The following MAML1 variants were observed in gnomAD, a reference collection of about 807,000 sequenced individuals.
MAML1 encodes mastermind-like protein 1.
A neutral mutation model predicts 77.1 loss-of-function variants in MAML1; 14 were observed. That is an observed-to-expected ratio of 0.18 (90% CI 0.12 to 0.28). The LOEUF is 0.28. Among genes scored for constraint, MAML1 ranks in the 10% least tolerant of loss-of-function variants. The pLI, the probability that MAML1 is intolerant of heterozygous loss-of-function variation, is 1.00. For synonymous variants in MAML1, 516 were observed against 551.9 expected (o/e 0.93, Z 0.91); for missense variants, 1,217 against 1,327.8 (o/e 0.92, Z 1.30).
At chr5:179,745,213 A>C (rs1012522772) in intron 1 of MAML1, among the ~76,000 whole-genome samples, 12 of 151,996 alleles carry the variant, frequency 7.9e-5, no homozygotes, top group Non-Finnish European at 1.3e-4. Context: ...CCGCATTATA[A>C]ATTTTTATAA....
chr5:179,749,408 G>A (rs1178508768), intron 1 of MAML1, among the ~76,000 whole-genome samples: 1 of 152,044 alleles, frequency 6.6e-6, no homozygotes, highest in Non-Finnish European at 1.5e-5. Context: ...TTACAGACGT[G>A]AGCCACCGCA....
At position 179,776,638 on chromosome 5, in the gene MAML1, C is replaced by T; in HGVS notation, c.*1761C>T. Reference sequence around the variant, plus strand: ...GAGGGTGACCTCAGCGGCTTTTCTCCCAAAAATCGGCTGAAGGCTGGTTGT... The same window carrying T: ...GAGGGTGACCTCAGCGGCTTTTCTCTCAAAAATCGGCTGAAGGCTGGTTGT... On this transcript the variant is annotated 3_prime_UTR_variant, in exon 5 of 5. Transcript: ENST00000292599. 2 of 985,682 alleles carry T rather than the reference C, an allele frequency of 2.0e-6. No individual in the cohort carries two copies. Among genetic ancestry groups the T allele is most frequent in the Non-Finnish European group, 2.4e-6 (2 of 829,948 alleles). The allele number at this position is 985,682 out of a possible 1,614,324, so 61.1% of individuals were successfully genotyped here.
intron 1 of MAML1, among the ~76,000 whole-genome samples, chr5:179,747,805 T>G (rs1364490653): frequency 2.1e-3 from 1 of 476 alleles, no homozygotes; most frequent in Non-Finnish European, 0.012. Context: ...CGAGACTCCA[T>G]CTCAAAAAAA....
At chr5:179,748,659 C>T (rs923752387) in intron 1 of MAML1, among the ~76,000 whole-genome samples, 1 of 152,176 alleles carries the variant, frequency 6.6e-6, no homozygotes, top group African/African-American at 2.4e-5. Context: ...CATGAGCCAA[C>T]AGATTAAAAC....
In MAML1 at chr5:179,775,571, G is replaced by C; in HGVS notation, c.*694G>C. ...ATAGCAGGTCTGGTGACACAGCTAG[G>C]GTCTTCCTAGCAGCTCCTCCTCCTC... On this transcript the variant is annotated 3_prime_UTR_variant, in exon 5 of 5. Coordinates refer to ENST00000292599, the MANE Select transcript of MAML1 (RefSeq NM_014757.5). 10 of 985,350 alleles carry C rather than the reference G, an allele frequency of 1.0e-5. No homozygotes were observed. The highest frequency in any genetic ancestry group is 1.1e-5 in the Non-Finnish European group (9 of 829,872). 61.0% of individuals were successfully genotyped at this position (985,350 alleles called of 1,614,324 possible).
At position 179,733,143 on chromosome 5, in the gene MAML1, T is replaced by G; in HGVS notation, c.31T>G (p.Phe11Val). The G allele has an allele frequency of 6.9e-7, 1 of 1,446,032 alleles. No homozygotes were observed. The highest frequency in any genetic ancestry group is 9.1e-7 in the Non-Finnish European group (1 of 1,102,232). 89.6% of individuals were successfully genotyped at this position (1,446,032 alleles called of 1,614,324 possible). The change falls in exon 1 of 5, where the codon TTC becomes GTC. Residue 11 changes from phenylalanine (F) to valine (V), a missense_variant. By Grantham distance (50) the Phe-to-Val change is conservative. Around this residue, in one of 3 missense-constraint regions of MAML1, gnomAD observed 312 missense variants for 331.4 expected, o/e 0.94. Coordinates refer to ENST00000292599, the MANE Select transcript of MAML1 (RefSeq NM_014757.5). MVLPTCPMAE[F>V]ALPRHSAVME... is the part of the protein sequence containing the mutation. ...GCTGCCCACCTGCCCCATGGCGGAGTTCGCGCTGCCGCGGCACAGCGCGGT... is the reference window on the plus strand; with the variant it reads ...GCTGCCCACCTGCCCCATGGCGGAGGTCGCGCTGCCGCGGCACAGCGCGGT...
At chr5:179,752,350 A>AAAAAAAAAAAAAAATAT (rs1554150144) in intron 1 of MAML1, among the ~76,000 whole-genome samples, 1 of 66,716 alleles carries the variant, frequency 1.5e-5, no homozygotes, top group African/African-American at 6.7e-5. Flanking sequence ...AAAAAAAAAA[A>AAAAAAAAAAAAAAATAT]ATATATATAT....
intron 3 of MAML1, among the ~76,000 whole-genome samples, chr5:179,770,151 A>G (rs756943373): frequency 6.6e-6 from 1 of 152,102 alleles, no homozygotes; most frequent in Admixed American, 6.6e-5. Context: ...TTCTGTCTCT[A>G]TAATTGTCTG....
At chr5:179,760,136 A>G (rs1352386528) in intron 1 of MAML1, among the ~76,000 whole-genome samples, 1 of 148,658 alleles carries the variant, frequency 6.7e-6, no homozygotes, top group Non-Finnish European at 1.5e-5. Flanking sequence ...CTTCGGATAG[A>G]CAGAAGTAAG....
intron 2 of MAML1, among the ~76,000 whole-genome samples, chr5:179,767,699 CAG>C (rs2113377682): frequency 6.6e-6 from 1 of 152,342 alleles, no homozygotes; most frequent in South Asian, 2.1e-4. Context: ...CAGCTGCACA[CAG>C]TGAGGGTGCT....
At chr5:179,738,763 C>T (rs1426516021) in intron 1 of MAML1, among the ~76,000 whole-genome samples, 1 of 151,668 alleles carries the variant, frequency 6.6e-6, no homozygotes, top group Non-Finnish European at 1.5e-5. Flanking sequence ...CAAGGATGGA[C>T]TTGCCAAATT....
chr5:179,776,579 AC>A lies in MAML1; in HGVS notation c.*1705del. On this transcript the variant is annotated 3_prime_UTR_variant, in exon 5 of 5. Transcript: ENST00000292599. Reference sequence around the variant, plus strand: ...GAATCATAAAGCCAGTGAAAATTTCACCCTCTGAGGGAGTTCCCCAATCTGA... The same window carrying A: ...GAATCATAAAGCCAGTGAAAATTTCACCTCTGAGGGAGTTCCCCAATCTGA... 1.0e-5 allele frequency: 10 copies of A among 985,456 alleles called. No individual in the cohort carries two copies. The highest frequency in any genetic ancestry group is 1.2e-5 in the Non-Finnish European group (10 of 829,900). The allele number at this position is 985,456 out of a possible 1,614,324, so 61.0% of individuals were successfully genotyped here. A position where few individuals can be genotyped will look rare whatever the true frequency, so the allele number is the denominator to read the frequency against.
At chr5:179,746,184 A>G (rs1290761917) in intron 1 of MAML1, among the ~76,000 whole-genome samples, 2 of 150,644 alleles carry the variant, frequency 1.3e-5, no homozygotes, top group Non-Finnish European at 1.5e-5. Flanking sequence ...CGTCTCTACT[A>G]AAAATGCAAA....
chr5:179,746,123 A>G (rs1193648380), intron 1 of MAML1, among the ~76,000 whole-genome samples: 3 of 151,464 alleles, frequency 2.0e-5, no homozygotes, highest in African/African-American at 4.8e-5. Flanking sequence ...GCAGGTGCGG[A>G]TCACCTGAGG....
intron 3 of MAML1, 199 bp from the exon 4 acceptor site, chr5:179,770,948 A>G (rs1422261910): frequency 3.3e-5 from 17 of 516,574 alleles, no homozygotes; most frequent in Non-Finnish European, 5.3e-5. Flanking sequence ...AGGTATACCT[A>G]CCTTTTAAAA....
intron 1 of MAML1, among the ~76,000 whole-genome samples, chr5:179,744,342 C>A (rs1562550471): frequency 1.3e-5 from 2 of 151,894 alleles, no homozygotes; most frequent in Admixed American, 1.3e-4. Context: ...CCTGCCACCA[C>A]GCCTGTCTTA....
At chr5:179,764,045 C>G (rs1022310948) in intron 1 of MAML1, among the ~76,000 whole-genome samples, 4 of 152,126 alleles carry the variant, frequency 2.6e-5, no homozygotes, top group Non-Finnish European at 4.4e-5. Flanking sequence ...GGTGAGGAAG[C>G]AGTAGAAGGA....
At position 179,771,177 on chromosome 5, in the gene MAML1, C is replaced by T. The variant is rs368957465; in HGVS notation, c.2002C>T (p.Arg668Cys). 1.1e-4 allele frequency: 181 copies of T among 1,613,988 alleles called. No homozygotes were observed. Among genetic ancestry groups the T allele is most frequent in the Non-Finnish European group, 1.5e-4 (172 of 1,179,998 alleles). Residue 668 changes from arginine (R) to cysteine (C), a missense_variant, in exon 4 of 5, where the codon CGC becomes TGC. By Grantham distance (180) the Arg-to-Cys change is radical. Transcript: ENST00000292599. The surrounding 1 kb of genome is among the most constrained non-coding windows in gnomAD (Gnocchi z 4.7). ...EKQQFQRHLT[R>C]PPPQYQDPTQ... is the part of the protein sequence containing the mutation. ...GCAACAGTTTCAGCGCCATCTGACCCGCCCACCACCCCAGTACCAAGACCC... is the reference window on the plus strand; with the variant it reads ...GCAACAGTTTCAGCGCCATCTGACCTGCCCACCACCCCAGTACCAAGACCC...
At chr5:179,753,120 G>A (rs1005994930) in intron 1 of MAML1, among the ~76,000 whole-genome samples, 12 of 151,982 alleles carry the variant, frequency 7.9e-5, no homozygotes, top group Non-Finnish European at 1.5e-4. Flanking sequence ...CATTGGAACA[G>A]GAAAGACTGT....
Sources: gnomAD v4.1 joint callset for allele counts (sites outside exome capture counted in the v4.1 genomes callset) on GRCh38, gnomAD v4.1.1 for gene constraint, gnomAD v4.1.1 regional missense constraint, Gnocchi (gnomAD v3.1) non-coding constraint, MANE v1.5 for transcripts, NCBI Gene and HGNC (gene_info 2026-07-23, HGNC 2026-07-21) for gene names.